The following FNIP1 variants were observed in gnomAD, a reference collection of about 807,000 sequenced individuals.
FNIP1 encodes folliculin-interacting protein 1.
In FNIP1, 40 loss-of-function variants were observed where a neutral mutation model predicts 124.5. That is an observed-to-expected ratio of 0.32 (90% CI 0.25 to 0.42). The LOEUF is 0.42. Ranked by LOEUF, FNIP1 falls within the 10% of genes least tolerant of loss-of-function variation. FNIP1 has a pLI of 1.00. For synonymous variants in FNIP1, 472 were observed against 470.6 expected (o/e 1.00, Z -0.04); for missense variants, 1,176 against 1,403.7 (o/e 0.84, Z 2.59).
Position 131,655,752 on chromosome 5 carries a change from CA to C in FNIP1, c.3109-3754del, listed in dbSNP as rs35443566. On this transcript the variant is annotated intron_variant, in intron 15 of 17. Transcript: ENST00000510461. ...TGAAACCTCGTCTCTACTAAAAATA[CA>C]AAAAAAAAAAAAAAATTAGTTAGGC... is the stretch of plus-strand genomic sequence containing the variant. Among the ~76,000 whole-genome samples the C allele has an allele frequency of 8.7e-4, 121 of 139,776 alleles. 1 individual carries two copies. The highest frequency in any genetic ancestry group is 3.2e-3 in the East Asian group (15 of 4,690). 91.7% of individuals were successfully genotyped at this position (139,776 alleles called of 152,430 possible).
chr5:131,719,548 T>C, intron 3 of FNIP1, 131 bp from the exon 4 acceptor site: 1 of 703,842 alleles, frequency 1.4e-6, no homozygotes, highest in East Asian at 3.0e-5. Flanking sequence ...CTGTATACGC[T>C]GTTCTGCAAC....
intron 1 of FNIP1, among the ~76,000 whole-genome samples, chr5:131,745,788 T>C (rs190723835): frequency 2.9e-4 from 44 of 152,250 alleles, no homozygotes; most frequent in African/African-American, 9.4e-4. Context: ...CACACACAGA[T>C]AGCTACTGTA....
chr5:131,701,814 G>A (rs936643560), intron 10 of FNIP1, among the ~76,000 whole-genome samples: 2 of 152,152 alleles, frequency 1.3e-5, no homozygotes, highest in African/African-American at 4.8e-5. Flanking sequence ...TCTCCCCAAA[G>A]TACAACTTGC....
At chr5:131,709,433 T>C (rs1442480421) in intron 7 of FNIP1, among the ~76,000 whole-genome samples, 161 bp from the exon 8 acceptor site, 1 of 152,210 alleles carries the variant, frequency 6.6e-6, no homozygotes, top group Non-Finnish European at 1.5e-5. Context: ...ATTACTCAGT[T>C]GAACAAGCTT....
chr5:131,787,299 C>T (rs1385987463), intron 1 of FNIP1, among the ~76,000 whole-genome samples: 1 of 152,204 alleles, frequency 6.6e-6, no homozygotes, highest in African/African-American at 2.4e-5. Context: ...TCAAGAGGCA[C>T]TGCTTCTAGC....
rs1260900656 is a variant in FNIP1 at position 131,671,519 on chromosome 5, C to T, written c.2925G>A (p.Glu975=). ...GEQEDWAEED[E]IPFPGSKLIE... is the part of the protein sequence containing the mutation. ...TTCCTACTTACCCAGGAAAAGGTAT[C>T]TCATCCTCTTCTGCCCAATCTTCTT... The change falls in exon 14 of 18, where the codon GAG becomes GAA. Residue 975 remains glutamate, a synonymous_variant. Transcript: ENST00000510461. 7.5e-6 allele frequency: 12 copies of T among 1,608,416 alleles called. No individual in the cohort carries two copies. Among genetic ancestry groups the T allele is most frequent in the Non-Finnish European group, 9.3e-6 (11 of 1,178,916 alleles).
At position 131,704,222 on chromosome 5, in the gene FNIP1, G is replaced by T; in HGVS notation, c.959C>A (p.Pro320His). 2 of 1,613,452 alleles carry T rather than the reference G, an allele frequency of 1.2e-6. No homozygotes were observed. Among genetic ancestry groups the T allele is most frequent in the Non-Finnish European group, 1.7e-6 (2 of 1,179,606 alleles). The change falls in exon 10 of 18, where the codon CCT becomes CAT. Residue 320 changes from proline (P) to histidine (H), a missense_variant. Pro to His is a moderately conservative substitution (Grantham distance 77). Coordinates refer to ENST00000510461, the MANE Select transcript of FNIP1 (RefSeq NM_133372.3). Reference sequence around the variant, plus strand: ...CTTTTTCCGCACAATTCCTGGGTTAGGGCCACAGCTTTCATCTGAGAGATT... The same window carrying T: ...CTTTTTCCGCACAATTCCTGGGTTATGGCCACAGCTTTCATCTGAGAGATT... ...SFNLSDESCG[P>H]NPGIVRKKKI...
At chr5:131,687,852 A>C (rs1375203522) in intron 11 of FNIP1, among the ~76,000 whole-genome samples, 1 of 152,200 alleles carries the variant, frequency 6.6e-6, no homozygotes, top group Non-Finnish European at 1.5e-5. Context: ...CCATATTTTC[A>C]TGGTGAAAAT....
At chr5:131,772,084 C>T (rs1436723059) in intron 1 of FNIP1, among the ~76,000 whole-genome samples, 1 of 152,094 alleles carries the variant, frequency 6.6e-6, no homozygotes, top group Admixed American at 6.6e-5. Context: ...ACTACTGATA[C>T]ATGGAGGAAT....
chr5:131,662,677 T>C (rs1767475553), intron 15 of FNIP1, among the ~76,000 whole-genome samples: 1 of 152,150 alleles, frequency 6.6e-6, no homozygotes, highest in South Asian at 2.1e-4. Flanking sequence ...ATGCACAGCT[T>C]CTCATTTCTT....
chr5:131,674,883 T>C (rs1021673898), intron 13 of FNIP1, among the ~76,000 whole-genome samples: 1 of 152,212 alleles, frequency 6.6e-6, no homozygotes, highest in Non-Finnish European at 1.5e-5. Context: ...ATATAAGCTA[T>C]AGATACTATT....
rs1341293014 is a variant in FNIP1 at position 131,643,780 on chromosome 5, T to C, written c.*905A>G. Reference sequence around the variant, plus strand: ...AAGGGCCTTGGCTACCTGAGCACTTTTAAAGAATATAGTATTGTTTTTGCC... The same window carrying C: ...AAGGGCCTTGGCTACCTGAGCACTTCTAAAGAATATAGTATTGTTTTTGCC... On this transcript the variant is annotated 3_prime_UTR_variant, in exon 18 of 18. Coordinates refer to ENST00000510461, the MANE Select transcript of FNIP1 (RefSeq NM_133372.3). 6.6e-6 allele frequency: 1 copy of C among 152,664 alleles called. No individual in the cohort carries two copies. Among genetic ancestry groups the C allele is most frequent in the African/African-American group, 2.4e-5 (1 of 41,454 alleles). 9.5% of individuals were successfully genotyped at this position (152,664 alleles called of 1,614,324 possible).
intron 1 of FNIP1, among the ~76,000 whole-genome samples, chr5:131,753,708 T>C (rs1314564845): frequency 6.6e-6 from 1 of 152,202 alleles, no homozygotes; most frequent in East Asian, 1.9e-4. Context: ...AAATTATACA[T>C]TTTATTATAT....
chr5:131,775,458 T>A (rs1262867852), intron 1 of FNIP1, among the ~76,000 whole-genome samples: 2 of 56,756 alleles, frequency 3.5e-5, no homozygotes, highest in African/African-American at 1.5e-4. Flanking sequence ...AAATAAAATA[T>A]GTATCATCTA....
intron 11 of FNIP1, among the ~76,000 whole-genome samples, chr5:131,688,783 T>G (rs1338654137): frequency 1.4e-5 from 2 of 145,402 alleles, no homozygotes; most frequent in African/African-American, 5.0e-5. Context: ...AAGGAAAGAA[T>G]CAATGAACTT....
At chr5:131,735,734 A>C (rs983914029) in intron 2 of FNIP1, among the ~76,000 whole-genome samples, 1 of 151,042 alleles carries the variant, frequency 6.6e-6, no homozygotes, top group Non-Finnish European at 1.5e-5. Context: ...GAGCAAGTTA[A>C]CTGACCTCTC....
intron 16 of FNIP1, among the ~76,000 whole-genome samples, chr5:131,651,155 T>C (rs918835823): frequency 1.5e-4 from 22 of 151,470 alleles, no homozygotes; most frequent in African/African-American, 5.3e-4. Flanking sequence ...TTTGGGAGGC[T>C]GGGGCAGGAG....
intron 15 of FNIP1, among the ~76,000 whole-genome samples, chr5:131,669,632 A>G (rs1435645071): frequency 6.6e-6 from 1 of 152,150 alleles, no homozygotes; most frequent in East Asian, 1.9e-4. Flanking sequence ...AAAATCCCAC[A>G]CTCATTCATG....
chr5:131,714,899 A>C (rs1240151182), intron 6 of FNIP1, among the ~76,000 whole-genome samples: 1 of 152,156 alleles, frequency 6.6e-6, no homozygotes, highest in Non-Finnish European at 1.5e-5. Flanking sequence ...CTGGTTCACC[A>C]CTGCATCTTC....
Sources: allele counts gnomAD v4.1 joint callset (sites outside exome capture counted in the v4.1 genomes callset), GRCh38; gene constraint gnomAD v4.1.1; transcripts MANE v1.5; gene names NCBI Gene and HGNC (gene_info 2026-07-23, HGNC 2026-07-21).